SORCS2: variants seen among roughly 807,000 people sequenced by gnomAD.
The protein encoded by SORCS2 is VPS10 domain-containing receptor SorCS2.
In SORCS2, 100 loss-of-function variants were observed where a neutral mutation model predicts 141.6. The observed-to-expected ratio is 0.71, with a 90% CI of 0.60 to 0.83. The LOEUF (loss-of-function observed/expected upper bound fraction) is 0.83. Ranked by LOEUF, SORCS2 falls within the 40% of genes least tolerant of loss-of-function variation. The pLI is 0.00. For missense variants in SORCS2, 1,646 were observed against 1,560.2 expected (o/e 1.05, Z -0.93); for synonymous variants, 789 against 676.9 (o/e 1.17, Z -2.57).
intron 2 of SORCS2, among the ~76,000 whole-genome samples, chr4:7,486,201 A>G (rs4582150): frequency 0.24 from 19,364 of 82,116 alleles, 1,465 homozygotes; most frequent in South Asian, 0.32. Flanking sequence ...TGTTGGGAAC[A>G]AGCCCCGTCC....
At chr4:7,638,544 A>G in intron 4 of SORCS2, 52 bp downstream of exon 4, 5 of 1,553,810 alleles carry the variant, frequency 3.2e-6, no homozygotes, top group East Asian at 2.4e-5. Flanking sequence ...GGTCTGCTCG[A>G]CCCACCTGGA....
chr4:7,544,236 A>G (rs758524269), intron 3 of SORCS2, among the ~76,000 whole-genome samples: 1 of 152,208 alleles, frequency 6.6e-6, no homozygotes, highest in South Asian at 2.1e-4. Context: ...TTATTTATTC[A>G]TTCAACTAAT....
chr4:7,321,675 G>T (rs1359520223), intron 1 of SORCS2, among the ~76,000 whole-genome samples: 1 of 152,240 alleles, frequency 6.6e-6, no homozygotes, highest in Non-Finnish European at 1.5e-5. Flanking sequence ...CAGGCCTAAA[G>T]AGGGCTGGGC....
At chr4:7,505,062 A>G (rs1194381705) in intron 2 of SORCS2, among the ~76,000 whole-genome samples, 1 of 152,206 alleles carries the variant, frequency 6.6e-6, no homozygotes, top group African/African-American at 2.4e-5. Flanking sequence ...GAGCGCCGGG[A>G]GGGATGGGGA....
intron 8 of SORCS2, among the ~76,000 whole-genome samples, chr4:7,672,536 A>C (rs1306290139): frequency 6.6e-6 from 1 of 152,204 alleles, no homozygotes; most frequent in Non-Finnish European, 1.5e-5. Context: ...ATTCACTACA[A>C]CTAATGGAAG....
chr4:7,535,737 G>A (rs1306217032), intron 3 of SORCS2, among the ~76,000 whole-genome samples: 1 of 152,232 alleles, frequency 6.6e-6, no homozygotes, highest in Non-Finnish European at 1.5e-5. Flanking sequence ...TCACACGTGT[G>A]GCCCCAGTGG....
At chr4:7,634,191 T>C (rs1720079765) in intron 3 of SORCS2, among the ~76,000 whole-genome samples, 1 of 152,022 alleles carries the variant, frequency 6.6e-6, no homozygotes, top group Non-Finnish European at 1.5e-5. Context: ...CTGGCCAACA[T>C]GGTGAAACCC....
At chr4:7,716,464 A>T (rs1726195293) in intron 17 of SORCS2, among the ~76,000 whole-genome samples, 1 of 152,104 alleles carries the variant, frequency 6.6e-6, no homozygotes, top group Non-Finnish European at 1.5e-5. Context: ...CAGGCATTCA[A>T]CTACTATCCA....
chr4:7,638,955 C>A (rs1720453281), intron 4 of SORCS2, among the ~76,000 whole-genome samples: 1 of 152,184 alleles, frequency 6.6e-6, no homozygotes, highest in Non-Finnish European at 1.5e-5. Flanking sequence ...AGCATCTCCT[C>A]CTCTGGGAGC....
At chr4:7,729,824 C>G (rs1210271011) in intron 23 of SORCS2, 112 bp downstream of exon 23, 19 of 1,428,012 alleles carry the variant, frequency 1.3e-5, no homozygotes, top group Non-Finnish European at 1.5e-5. Flanking sequence ...GCGTCTTTCT[C>G]GCTGCATCTC....
intron 3 of SORCS2, among the ~76,000 whole-genome samples, chr4:7,629,954 T>C (rs1401228587): frequency 6.6e-6 from 1 of 152,196 alleles, no homozygotes; most frequent in Non-Finnish European, 1.5e-5. Context: ...GCAAAGCCTC[T>C]GAACTGTAAC....
At chr4:7,559,078 C>A (rs1714341764) in intron 3 of SORCS2, among the ~76,000 whole-genome samples, 1 of 152,160 alleles carries the variant, frequency 6.6e-6, no homozygotes, top group Non-Finnish European at 1.5e-5. Context: ...GGGATGAGTC[C>A]CCAGTACTCT....
chr4:7,437,980 G>A (rs1727418976), intron 2 of SORCS2, among the ~76,000 whole-genome samples: 1 of 152,130 alleles, frequency 6.6e-6, no homozygotes, highest in Admixed American at 6.5e-5. Flanking sequence ...CTTTACCCCA[G>A]TTACTTTGGT....
intron 1 of SORCS2, among the ~76,000 whole-genome samples, chr4:7,313,676 G>A (rs1490205187): frequency 2.6e-5 from 4 of 152,152 alleles, no homozygotes; most frequent in African/African-American, 9.7e-5. Flanking sequence ...TTGGATGGCC[G>A]CACTGCCGGC....
chr4:7,346,778 T>C (rs1387388433), intron 1 of SORCS2, among the ~76,000 whole-genome samples: 1 of 152,270 alleles, frequency 6.6e-6, no homozygotes, highest in East Asian at 1.9e-4. Flanking sequence ...TCCTTCTCTT[T>C]CTTCAGCCAC....
chr4:7,723,980 G>A (rs1325849228), intron 19 of SORCS2, 97 bp downstream of exon 19: 11 of 1,382,464 alleles, frequency 8.0e-6, no homozygotes, highest in African/African-American at 1.5e-5. Context: ...GATTGCTCTA[G>A]GCCCCTGGTA....
chr4:7,537,685 ATC>A (rs1229596619), intron 3 of SORCS2, among the ~76,000 whole-genome samples: 3 of 152,068 alleles, frequency 2.0e-5, no homozygotes, highest in African/African-American at 7.2e-5. Flanking sequence ...GAGAAACTGA[ATC>A]TCTCTGCTGC....
At chr4:7,598,908 T>C (rs999619480) in intron 3 of SORCS2, among the ~76,000 whole-genome samples, 1 of 152,194 alleles carries the variant, frequency 6.6e-6, no homozygotes, top group African/African-American at 2.4e-5. Flanking sequence ...CGAGGAGCCC[T>C]GCAGTGTGCC....
intron 1 of SORCS2, among the ~76,000 whole-genome samples, chr4:7,364,695 C>T (rs1277465280): frequency 1.3e-5 from 2 of 152,176 alleles, no homozygotes; most frequent in African/African-American, 4.8e-5. Flanking sequence ...GAGCACTTGG[C>T]AGGTGCTAGG....
Sources: allele counts gnomAD v4.1 joint callset (sites outside exome capture counted in the v4.1 genomes callset), GRCh38; gene constraint gnomAD v4.1.1; transcripts MANE v1.5; gene names NCBI Gene and HGNC (gene_info 2026-07-23, HGNC 2026-07-21).